Variants in VPS13D observed in about 807,000 individuals in gnomAD.
VPS13D encodes the protein intermembrane lipid transfer protein VPS13D.
Under a neutral mutation model 461.9 loss-of-function variants are expected in VPS13D, and 187 were observed. That is an observed-to-expected ratio of 0.40 (90% CI 0.36 to 0.46). The LOEUF (loss-of-function observed/expected upper bound fraction) is 0.46, where lower values mean the gene tolerates loss of function less well. VPS13D is among the 20% of genes least tolerant of loss of function. The probability of loss-of-function intolerance (pLI) is 0.60; values close to 1 mark genes in which losing one functional copy is unlikely to be tolerated. For synonymous variants in VPS13D, 1,951 were observed against 1,986.3 expected (o/e 0.98, Z 0.47); for missense variants, 4,711 against 5,364.9 (o/e 0.88, Z 3.81).
chr1:12,460,126 A>T, intron 66 of VPS13D, 75 bp from the exon 67 acceptor site: 1 of 1,346,258 alleles, frequency 7.4e-7, no homozygotes, highest in South Asian at 1.5e-5. Flanking sequence ...ATCATTCCAT[A>T]ATCAAGGGGT....
At chr1:12,393,862 T>C (rs1375329526) in intron 60 of VPS13D, among the ~76,000 whole-genome samples, 1 of 151,980 alleles carries the variant, frequency 6.6e-6, no homozygotes, top group Non-Finnish European at 1.5e-5. Context: ...ACAGGATGAG[T>C]CTGGGGACCC....
intron 50 of VPS13D, 138 bp downstream of exon 50, chr1:12,358,739 C>A: frequency 9.2e-7 from 1 of 1,092,772 alleles, no homozygotes; most frequent in Non-Finnish European, 1.3e-6. Context: ...GGTATCTGTT[C>A]TCTGAATGCT....
At chr1:12,280,539 A>T in intron 20 of VPS13D, among the ~76,000 whole-genome samples, 1 of 149,614 alleles carries the variant, frequency 6.7e-6, no homozygotes, top group African/African-American at 2.5e-5. Flanking sequence ...CTCAGGCTAC[A>T]GTGCCAGTGG....
intron 54 of VPS13D, among the ~76,000 whole-genome samples, chr1:12,373,403 G>C (rs1029851548): frequency 3.3e-5 from 5 of 151,810 alleles, no homozygotes; most frequent in Admixed American, 6.6e-5. Context: ...TTACAGGCAG[G>C]AGCCACCGTG....
At chr1:12,395,707 A>G (rs982355338) in intron 60 of VPS13D, among the ~76,000 whole-genome samples, 3 of 152,046 alleles carry the variant, frequency 2.0e-5, no homozygotes, top group African/African-American at 4.8e-5. Context: ...TTATGTATAG[A>G]GTCACTAAAA....
chr1:12,450,464 T>G (rs1645248354), intron 65 of VPS13D, among the ~76,000 whole-genome samples: 1 of 152,196 alleles, frequency 6.6e-6, no homozygotes, highest in Non-Finnish European at 1.5e-5. Context: ...GTGGTTTAAC[T>G]TACAATTTTT....
intron 61 of VPS13D, among the ~76,000 whole-genome samples, chr1:12,400,953 TGCGCGC>T (rs1219516243): frequency 3.7e-5 from 5 of 136,288 alleles, no homozygotes; most frequent in South Asian, 2.5e-4. Flanking sequence ...GATGTGCACC[TGCGCGC>T]GCGCACACAC....
chr1:12,254,955 T>A (rs1486432929), intron 7 of VPS13D, among the ~76,000 whole-genome samples: 1 of 151,992 alleles, frequency 6.6e-6, no homozygotes, highest in Non-Finnish European at 1.5e-5. Context: ...TTCTTCTTTT[T>A]TTTTTTTTGA....
chr1:12,244,396 G>C lies in VPS13D; in HGVS notation c.326G>C (p.Arg109Pro), dbSNP rs757652596. Reference sequence around the variant, plus strand: ...AAGGAGAAGCTGTTGGAAAGGGAACGTAAGAAAGCACTACTTCAAGCCCTG... The same window carrying C: ...AAGGAGAAGCTGTTGGAAAGGGAACCTAAGAAAGCACTACTTCAAGCCCTG... ...DEKEKLLERE[R>P]KKALLQALEE... The change falls in exon 4 of 70, where the codon CGT (arginine) becomes CCT (proline). Residue 109 changes from arginine (R) to proline (P), a missense_variant. By Grantham distance (103) the Arg-to-Pro change is moderately radical. Transcript: ENST00000620676. 7.4e-6 allele frequency: 12 copies of C among 1,614,050 alleles called. No individual in the cohort carries two copies. The highest frequency in any genetic ancestry group is 1.0e-5 in the Non-Finnish European group (12 of 1,180,032).
intron 24 of VPS13D, among the ~76,000 whole-genome samples, chr1:12,294,784 T>C (rs1642228517): frequency 6.6e-6 from 1 of 151,938 alleles, no homozygotes; most frequent in Admixed American, 6.6e-5. Flanking sequence ...TGCACTCCAG[T>C]CTGGCGACAG....
rs772775762 is a variant in VPS13D, at chr1:12,416,674, G to C, written c.12180G>C (p.Gln4060His). 1.5e-4 allele frequency: 249 copies of C among 1,613,530 alleles called. No individual in the cohort carries two copies. Among genetic ancestry groups the C allele is most frequent in the Non-Finnish European group, 2.0e-4 (241 of 1,179,858 alleles). Residue 4060 changes from glutamine to histidine, a missense_variant, in exon 65 of 70, where the codon CAG becomes CAC. Physicochemically the swap from Gln to His is conservative, Grantham distance 24. This residue lies in a region of VPS13D where 106 missense variants were observed against 206.2 expected (regional missense o/e 0.51). Transcript: ENST00000620676. ...CCATTTGGCAGGAACTCCTCAGCCA[G>C]GCAGCTCGAATCCTGGGATCAGTGG... The part of the protein sequence containing the change: ...LKHFQEELLS[Q>H]AARILGSVDF...
rs1204383278 is a variant in VPS13D at position 12,310,769 on chromosome 1, C to CTCCTTCCT, written c.6651-665_6651-658dup. On this transcript the variant is annotated intron_variant, in intron 27 of 69. Coordinates refer to ENST00000620676, the MANE Select transcript of VPS13D (RefSeq NM_015378.4). ...AGGATTTCCCTCCCTCCATTTCTTG[C>CTCCTTCCT]TCCTTCCTTCCTTCCTTCCTTCCTT... Among the ~76,000 whole-genome samples the CTCCTTCCT allele has an allele frequency of 1.0e-3, 148 of 146,414 alleles. 1 individual carries two copies. The highest frequency in any genetic ancestry group is 3.1e-3 in the African/African-American group (127 of 40,376).
At chr1:12,381,960 TTCTTTCTTTCTTTCTTTCTTTC>T (rs1406896804) in intron 57 of VPS13D, among the ~76,000 whole-genome samples, 10 of 142,704 alleles carry the variant, frequency 7.0e-5, no homozygotes, top group East Asian at 6.0e-4. Context: ...CTTTCTTTCT[TTCTTTCTTTCTTTCTTTCTTTC>T]TCTCTCTCTC....
chr1:12,335,853 A>C, intron 39 of VPS13D, 26 bp downstream of exon 39: 1 of 1,613,586 alleles, frequency 6.2e-7, no homozygotes, highest in Non-Finnish European at 8.5e-7. Flanking sequence ...ACATGTGTTT[A>C]ACTAAATCAC....
At chr1:12,231,734 A>T (rs938413286) in intron 1 of VPS13D, among the ~76,000 whole-genome samples, 1 of 152,166 alleles carries the variant, frequency 6.6e-6, no homozygotes, top group African/African-American at 2.4e-5. Context: ...CACGCCTGTA[A>T]TCCCAGCACT....
At chr1:12,387,354 A>G (rs577160911) in intron 60 of VPS13D, among the ~76,000 whole-genome samples, 2 of 152,360 alleles carry the variant, frequency 1.3e-5, no homozygotes, top group South Asian at 2.1e-4. Flanking sequence ...GAATATGACA[A>G]TTTAGCACCC....
At chr1:12,349,016 C>T (rs2101589200) in intron 45 of VPS13D, 43 bp downstream of exon 45, 1 of 1,612,326 alleles carries the variant, frequency 6.2e-7, no homozygotes, top group South Asian at 1.1e-5. Flanking sequence ...CTGATAAATA[C>T]TTCTTGACTG....
intron 15 of VPS13D, among the ~76,000 whole-genome samples, chr1:12,268,146 T>A (rs1418420612): frequency 1.3e-5 from 2 of 151,772 alleles, no homozygotes; most frequent in Non-Finnish European, 2.9e-5. Flanking sequence ...GATGGGGTTT[T>A]GCTTTGTTGT....
intron 67 of VPS13D, among the ~76,000 whole-genome samples, chr1:12,464,018 G>A (rs903715889): frequency 6.6e-6 from 1 of 152,200 alleles, no homozygotes; most frequent in Non-Finnish European, 1.5e-5. Context: ...TTAAAGGAGC[G>A]CAGAGATCCT....
Sources: gnomAD v4.1 joint callset for allele counts (sites outside exome capture counted in the v4.1 genomes callset) on GRCh38, gnomAD v4.1.1 for gene constraint, gnomAD v4.1.1 regional missense constraint, MANE v1.5 for transcripts, NCBI Gene and HGNC (gene_info 2026-07-23, HGNC 2026-07-21) for gene names.